Variants in OTULIN observed in about 807,000 individuals in gnomAD.
OTULIN encodes OTU deubiquitinase with linear linkage specificity, also known as ubiquitin thioesterase otulin.
A neutral mutation model predicts 39.6 loss-of-function variants in OTULIN; 15 were observed. The observed-to-expected ratio is 0.38, with a 90% CI of 0.25 to 0.58. OTULIN has a LOEUF of 0.58. Among genes scored for constraint, OTULIN ranks in the 20% least tolerant of loss-of-function variants. The pLI is 0.66. For missense variants in OTULIN, 319 were observed against 445.9 expected (o/e 0.72, Z 2.56); for synonymous variants, 156 against 170.3 (o/e 0.92, Z 0.65).
chr5:14,700,524 C>G (rs1292236050), downstream of OTULIN, among the ~76,000 whole-genome samples: 3 of 151,890 alleles, frequency 2.0e-5, no homozygotes, highest in Non-Finnish European at 4.4e-5. Flanking sequence ...CACAGTCCTC[C>G]CAGCCCTCTC....
rs992229743 is a variant in OTULIN, at chr5:14,684,642, CAG to C, written c.469-2878_469-2877del. Among the ~76,000 whole-genome samples the C allele has an allele frequency of 7.2e-4, 109 of 152,308 alleles. 1 individual carries two copies. The highest frequency in any genetic ancestry group is 1.1e-3 in the African/African-American group (46 of 41,576). ...TTCTTGCAGTGTGACTGAAATAAAT[CAG>C]GGGTGGAACCTTTAGCTAGCTTTAT... On this transcript the variant is annotated intron_variant, in intron 4 of 6. Transcript: ENST00000284274.
At chr5:14,710,420 AAGTT>A in the OTULIN span, 21 of 152,374 alleles carry the variant, frequency 1.4e-4, no homozygotes, top group African/African-American at 3.4e-4. Context: ...CAATTTAAAA[AAGTT>A]AGCTCATGTA....
chr5:14,680,405 C>T (rs1039561087), intron 3 of OTULIN, among the ~76,000 whole-genome samples: 8 of 152,218 alleles, frequency 5.3e-5, no homozygotes, highest in African/African-American at 1.9e-4. Context: ...CAGAGGTGGT[C>T]TGCATTGCGT....
downstream of OTULIN, among the ~76,000 whole-genome samples, chr5:14,703,403 A>G (rs1172466848): frequency 6.7e-6 from 1 of 150,018 alleles, no homozygotes. Flanking sequence ...TTTTTGAGAA[A>G]TTCTCCACGA....
At chr5:14,689,417 A>T (rs1458350250) in intron 5 of OTULIN, among the ~76,000 whole-genome samples, 1 of 152,232 alleles carries the variant, frequency 6.6e-6, no homozygotes, top group Non-Finnish European at 1.5e-5. Flanking sequence ...ACTTAAAAGC[A>T]CATATATTTA....
At chr5:14,680,255 G>A (rs944863981) in intron 3 of OTULIN, among the ~76,000 whole-genome samples, 1 of 152,122 alleles carries the variant, frequency 6.6e-6, no homozygotes, top group African/African-American at 2.4e-5. Context: ...TACAGTGGTT[G>A]GACCACTAAA....
intron 5 of OTULIN, among the ~76,000 whole-genome samples, chr5:14,689,597 C>A (rs1312328737): frequency 6.6e-6 from 1 of 152,206 alleles, no homozygotes; most frequent in African/African-American, 2.4e-5. Flanking sequence ...GGAGCCCCTA[C>A]GCCCTTCCTT....
chr5:14,695,116 ATG>A lies in OTULIN; in HGVS notation c.*2072_*2073del, dbSNP rs1164656607. On this transcript the variant is annotated 3_prime_UTR_variant, in exon 7 of 7. Transcript: ENST00000284274. ...TTGAATTGGATTTCTGGGTAAAAGA[ATG>A]TGTTTCTTTTATGTTGCTTATGTCC... is the stretch of plus-strand genomic sequence containing the variant. The A allele has an allele frequency of 6.6e-6, 1 of 152,176 alleles. No individual in the cohort carries two copies. 9.4% of individuals were successfully genotyped at this position (152,176 alleles called of 1,614,324 possible). A position where few individuals can be genotyped will look rare whatever the true frequency, so the allele number is the denominator to read the frequency against.
At chr5:14,709,506 G>C in the OTULIN span, 4 of 152,204 alleles carry the variant, frequency 2.6e-5, no homozygotes, top group African/African-American at 9.6e-5. Flanking sequence ...CATGTTCACA[G>C]CTAACATTAT....
Position 14,687,578 on chromosome 5 carries a change from A to G in OTULIN, c.526A>G (p.Lys176Glu), listed in dbSNP as rs1276789817. 17 of 1,614,010 alleles carry G rather than the reference A, an allele frequency of 1.1e-5. No individual in the cohort carries two copies. In the South Asian group the frequency reaches 1.6e-4, roughly 16 times the overall value. ...NWIKQWKLGL[K>E]FDGKNEDLVD... ...GATCAAGCAATGGAAACTTGGACTGAAATTTGATGGGAAGAATGAGGACCT... is the reference window on the plus strand; with the variant it reads ...GATCAAGCAATGGAAACTTGGACTGGAATTTGATGGGAAGAATGAGGACCT... The change falls in exon 5 of 7, where the codon AAA (lysine) becomes GAA (glutamate). Residue 176 changes from lysine to glutamate, a missense_variant. Transcript: ENST00000284274.
rs1736755671 is a variant in OTULIN at position 14,699,597 on chromosome 5, G to A, written c.*6549G>A. 2 of 152,182 alleles carry A rather than the reference G, an allele frequency of 1.3e-5. No homozygotes were observed. 9.4% of individuals were successfully genotyped at this position (152,182 alleles called of 1,614,324 possible). A position where few individuals can be genotyped will look rare whatever the true frequency, so the allele number is the denominator to read the frequency against. ...CTCAACTCTGTGGACAGTGTTTCTT[G>A]AATTTCCTTTTCCACCGCCTTTTCC... On this transcript the variant is annotated 3_prime_UTR_variant, in exon 7 of 7. Coordinates refer to ENST00000284274, the MANE Select transcript of OTULIN (RefSeq NM_138348.6).
chr5:14,687,389 A>G (rs1339488590), intron 4 of OTULIN, 132 bp from the exon 5 acceptor site: 1 of 1,096,264 alleles, frequency 9.1e-7, no homozygotes, highest in Non-Finnish European at 1.3e-6. Flanking sequence ...AGCCCACATC[A>G]CAGATTTGCA....
At chr5:14,686,270 T>C (rs945260096) in intron 4 of OTULIN, among the ~76,000 whole-genome samples, 4 of 152,164 alleles carry the variant, frequency 2.6e-5, no homozygotes, top group Non-Finnish European at 5.9e-5. Context: ...ATTTTATGTA[T>C]TTATTTTTAT....
chr5:14,673,764 C>A (rs772658510), intron 2 of OTULIN, 46 bp downstream of exon 2: 44 of 1,502,008 alleles, frequency 2.9e-5, no homozygotes, highest in Non-Finnish European at 4.0e-5. Context: ...TTGTTTATAG[C>A]AGAAAATGCA....
chr5:14,714,449 A>T, the OTULIN span, among the ~76,000 whole-genome samples: 1 of 151,998 alleles, frequency 6.6e-6, no homozygotes, highest in Non-Finnish European at 1.5e-5. Context: ...CTGGGCCTTG[A>T]AGAGAGGGCC....
the OTULIN span, among the ~76,000 whole-genome samples, chr5:14,713,850 C>T: frequency 3.9e-5 from 6 of 152,334 alleles, no homozygotes; most frequent in South Asian, 2.1e-4. The surrounding 1 kb of genome is among the most constrained non-coding windows in gnomAD (Gnocchi z 4.4). Context: ...AGCCTAGGCC[C>T]GCCTCGGCTC....
rs779085064 is a variant in OTULIN at position 14,690,001 on chromosome 5, AC to A, written c.595-37del. 3.2e-6 allele frequency: 5 copies of A among 1,586,778 alleles called. No homozygotes were observed. Among genetic ancestry groups the A allele is most frequent in the Non-Finnish European group, 4.3e-6 (5 of 1,167,732 alleles). ...TGGTACTATACCAGGGATTTTTAGA[AC>A]AAAAATTCTAATTATTACATAACTT... On this transcript the variant is annotated intron_variant, in intron 5 of 6. Coordinates refer to ENST00000284274, the MANE Select transcript of OTULIN (RefSeq NM_138348.6). The surrounding 1 kb of genome is among the most constrained non-coding windows in gnomAD (Gnocchi z 4.5).
At chr5:14,668,627 T>C (rs772759352) in intron 1 of OTULIN, among the ~76,000 whole-genome samples, 3 of 152,198 alleles carry the variant, frequency 2.0e-5, no homozygotes, top group Non-Finnish European at 4.4e-5. Context: ...AAGTATGAAC[T>C]GCAGGGTTCA....
In OTULIN at chr5:14,692,717, G is replaced by T. The variant is rs1466973217; in HGVS notation, c.865-137G>T. On this transcript the variant is annotated intron_variant, in intron 6 of 6. Coordinates refer to ENST00000284274, the MANE Select transcript of OTULIN (RefSeq NM_138348.6). ...TTTATTTAAATCGAAAAGGATTGGG[G>T]CTGGGCCCAAAGCAGGAGGAAAAAA... 6.2e-5 allele frequency: 37 copies of T among 597,664 alleles called. No individual in the cohort carries two copies. The East Asian group carries it at 1.0e-3, about 16-fold the overall frequency. 37.0% of individuals were successfully genotyped at this position (597,664 alleles called of 1,614,324 possible).
Sources: gnomAD v4.1 joint callset for allele counts (sites outside exome capture counted in the v4.1 genomes callset) on GRCh38, gnomAD v4.1.1 for gene constraint, Gnocchi (gnomAD v3.1) non-coding constraint, MANE v1.5 for transcripts, NCBI Gene and HGNC (gene_info 2026-07-23, HGNC 2026-07-21) for gene names.